DYNC1I2: variants seen among roughly 807,000 people sequenced by gnomAD.
The protein encoded by DYNC1I2 is cytoplasmic dynein 1 intermediate chain 2.
Under a neutral mutation model 88.6 loss-of-function variants are expected in DYNC1I2, and 53 were observed. The ratio of observed to expected loss-of-function variants is 0.60; its 90% CI spans 0.48 to 0.75. The LOEUF (loss-of-function observed/expected upper bound fraction) is 0.75. Among genes scored for constraint, DYNC1I2 ranks in the 30% least tolerant of loss-of-function variants. The probability of loss-of-function intolerance (pLI) is 0.00; values close to 1 mark genes in which losing one functional copy is unlikely to be tolerated. For missense variants in DYNC1I2, 458 were observed against 766.6 expected (o/e 0.60, Z 4.75); for synonymous variants, 198 against 254.6 (o/e 0.78, Z 2.12).
intron 7 of DYNC1I2, among the ~76,000 whole-genome samples, chr2:171,718,145 T>C (rs1462404021): frequency 1.3e-5 from 2 of 151,832 alleles, no homozygotes; most frequent in African/African-American, 4.8e-5. Flanking sequence ...TTGGTAGACT[T>C]GGGGGTCTCG....
At chr2:171,725,587 T>G (rs1688184168) in intron 7 of DYNC1I2, 31 bp from the exon 8 acceptor site, 10 of 1,350,304 alleles carry the variant, frequency 7.4e-6, no homozygotes, top group Non-Finnish European at 9.0e-6. Context: ...TGTTTTTTTG[T>G]TTTTTTGTTT....
chr2:171,718,418 T>G (rs1365705658), intron 7 of DYNC1I2, among the ~76,000 whole-genome samples: 1 of 152,122 alleles, frequency 6.6e-6, no homozygotes, highest in Non-Finnish European at 1.5e-5. Flanking sequence ...TTGGTTCCAA[T>G]GAATATGTCT....
At chr2:171,687,985 G>A (rs1032363789) in intron 1 of DYNC1I2, 1 of 152,412 alleles carries the variant, frequency 6.6e-6, no homozygotes, top group Non-Finnish European at 1.5e-5. Context: ...CTTTGGGGAG[G>A]AAAGGCGGGG....
chr2:171,731,739 A>C (rs986570562), intron 15 of DYNC1I2, among the ~76,000 whole-genome samples: 2 of 152,164 alleles, frequency 1.3e-5, no homozygotes, highest in Non-Finnish European at 2.9e-5. Context: ...CTGCGATAGA[A>C]TAGCATCCTG....
intron 10 of DYNC1I2, 145 bp downstream of exon 10, chr2:171,726,438 C>G (rs1688260015): frequency 1.6e-6 from 1 of 629,606 alleles, no homozygotes; most frequent in Non-Finnish European, 2.6e-6. Flanking sequence ...TGTTAACATA[C>G]TCATCTTATG....
chr2:171,697,403 A>G (rs1183751564), intron 3 of DYNC1I2, among the ~76,000 whole-genome samples: 1 of 152,152 alleles, frequency 6.6e-6, no homozygotes, highest in African/African-American at 2.4e-5. Context: ...AGGGTGGGCC[A>G]ATTGGTTTGT....
At chr2:171,715,022 T>G (rs1308513026) in intron 6 of DYNC1I2, among the ~76,000 whole-genome samples, 1 of 152,166 alleles carries the variant, frequency 6.6e-6, no homozygotes, top group Non-Finnish European at 1.5e-5. Context: ...CCTTATTCAG[T>G]GGTCCACTCT....
Position 171,727,228 on chromosome 2 carries a change from G to A in DYNC1I2, c.996+312G>A, listed in dbSNP as rs79701804. ...TTTTATAAAATGTCTTTCCTACAGGGAGTTTCCCAGGAACTTATTTGTGAA... is the reference window on the plus strand; with the variant it reads ...TTTTATAAAATGTCTTTCCTACAGGAAGTTTCCCAGGAACTTATTTGTGAA... On this transcript the variant is annotated intron_variant, in intron 11 of 17. Transcript: ENST00000397119. Among the ~76,000 whole-genome samples, 111 of 152,184 alleles carry A rather than the reference G, an allele frequency of 7.3e-4. No individual in the cohort carries two copies. The East Asian group carries it at 0.021, about 29-fold the overall frequency.
chr2:171,723,349 A>G (rs1343880095), intron 7 of DYNC1I2, among the ~76,000 whole-genome samples: 2 of 152,246 alleles, frequency 1.3e-5, no homozygotes, highest in Admixed American at 1.3e-4. Flanking sequence ...GAAACCTACT[A>G]GTAAACACTT....
chr2:171,728,235 T>C (rs1688375891), intron 12 of DYNC1I2, 70 bp from the exon 13 acceptor site: 2 of 931,876 alleles, frequency 2.1e-6, no homozygotes, highest in Non-Finnish European at 1.6e-6. Flanking sequence ...AGAATGCTTA[T>C]AATTAGACTA....
At chr2:171,700,746 C>T (rs952667804) in intron 3 of DYNC1I2, among the ~76,000 whole-genome samples, 1 of 152,146 alleles carries the variant, frequency 6.6e-6, no homozygotes, top group Admixed American at 6.5e-5. Flanking sequence ...ATTCTCCTGC[C>T]TCAGCATCCA....
At chr2:171,704,177 C>T (rs1014585746) in intron 3 of DYNC1I2, among the ~76,000 whole-genome samples, 2 of 152,174 alleles carry the variant, frequency 1.3e-5, no homozygotes, top group African/African-American at 4.8e-5. Flanking sequence ...TGTTTCTTCA[C>T]AGGCCAGAAG....
chr2:171,723,217 A>G (rs1688014133), intron 7 of DYNC1I2, among the ~76,000 whole-genome samples: 1 of 152,154 alleles, frequency 6.6e-6, no homozygotes, highest in Non-Finnish European at 1.5e-5. Context: ...TAATACAACA[A>G]AGTTGAAGGA....
rs895185573 is a variant in DYNC1I2 at position 171,750,123 on chromosome 2, A to G, written c.*2234A>G. Reference sequence around the variant, plus strand: ...CATGTTAAGGAATATCCAGCTTCACAGACAATTAACTTGCAATAAATCTCT... The same window carrying G: ...CATGTTAAGGAATATCCAGCTTCACGGACAATTAACTTGCAATAAATCTCT... On this transcript the variant is annotated 3_prime_UTR_variant, in exon 18 of 18. Transcript: ENST00000397119. Among the ~76,000 whole-genome samples, 2 of 152,176 alleles carry G rather than the reference A, an allele frequency of 1.3e-5. No homozygotes were observed. Among genetic ancestry groups the G allele is most frequent in the African/African-American group, 4.8e-5 (2 of 41,454 alleles).
chr2:171,704,234 G>A (rs1394727468), intron 3 of DYNC1I2, among the ~76,000 whole-genome samples: 1 of 152,030 alleles, frequency 6.6e-6, no homozygotes, highest in East Asian at 1.9e-4. Context: ...GTCTAAGCTG[G>A]TAGGAAAGGC....
chr2:171,706,400 T>C (rs944858688), intron 3 of DYNC1I2, 147 bp from the exon 4 acceptor site: 1 of 685,318 alleles, frequency 1.5e-6, no homozygotes, highest in South Asian at 1.8e-5. Flanking sequence ...AATGTGCACG[T>C]TCAGCTGTTG....
intron 1 of DYNC1I2, among the ~76,000 whole-genome samples, chr2:171,689,498 A>G (rs1685221025): frequency 6.6e-6 from 1 of 152,158 alleles, no homozygotes. Flanking sequence ...ATGCCAAACC[A>G]TGTCCTCTGT....
intron 15 of DYNC1I2, among the ~76,000 whole-genome samples, chr2:171,734,522 A>G (rs1262873568): frequency 2.0e-5 from 3 of 152,140 alleles, no homozygotes; most frequent in Non-Finnish European, 4.4e-5. Flanking sequence ...AGACTCATTT[A>G]TTCATTCAAT....
intron 6 of DYNC1I2, among the ~76,000 whole-genome samples, chr2:171,714,154 ATTACT>A (rs1476925312): frequency 3.9e-5 from 6 of 152,064 alleles, no homozygotes; most frequent in African/African-American, 1.4e-4. Flanking sequence ...ATTACTTCAG[ATTACT>A]TAAATTGTCC....
Sources: allele counts gnomAD v4.1 joint callset (sites outside exome capture counted in the v4.1 genomes callset), GRCh38; gene constraint gnomAD v4.1.1; transcripts MANE v1.5; gene names NCBI Gene and HGNC (gene_info 2026-07-23, HGNC 2026-07-21).